KANK1: variants seen among roughly 807,000 people sequenced by gnomAD.
The protein encoded by KANK1 is KN motif and ankyrin repeat domains 1, also known as KN motif and ankyrin repeat domain-containing protein 1.
Under a neutral mutation model 106.2 loss-of-function variants are expected in KANK1, and 109 were observed. The ratio of observed to expected loss-of-function variants is 1.03; its 90% CI spans 0.88 to 1.20. The LOEUF (loss-of-function observed/expected upper bound fraction) is 1.20. Ranked by LOEUF, KANK1 falls within the 50% of genes most tolerant of loss-of-function variation. The probability of loss-of-function intolerance (pLI) is 0.00; values close to 1 mark genes in which losing one functional copy is unlikely to be tolerated. For synonymous variants in KANK1, 873 were observed against 652.2 expected, an observed-to-expected ratio of 1.34 and a Z score of -5.16; for missense variants, 2,399 against 1,710.7, an observed-to-expected ratio of 1.40 and a Z score of -7.10.
At chr9:665,281 A>G (rs78033151) in intron 1 of KANK1, among the ~76,000 whole-genome samples, 6,921 of 152,112 alleles carry the variant, frequency 0.045, 423 homozygotes, top group East Asian at 0.22. Flanking sequence ...GTTTTCTTTT[A>G]TTAGTTTTAT....
intron 1 of KANK1, among the ~76,000 whole-genome samples, chr9:564,668 T>C (rs981573547): frequency 6.6e-6 from 1 of 152,252 alleles, no homozygotes; most frequent in Admixed American, 6.5e-5. Context: ...TCTCATAATC[T>C]GAGCATGCGC....
chr9:710,879 G>T lies in KANK1; in HGVS notation c.113G>T (p.Gly38Val). 3 of 1,613,966 alleles carry T rather than the reference G, an allele frequency of 1.9e-6. No individual in the cohort carries two copies. The highest frequency in any genetic ancestry group is 1.1e-5 in the South Asian group (1 of 91,074). The change falls in exon 3 of 12, where the codon GGT becomes GTT. Residue 38 changes from glycine to valine, a missense_variant. Coordinates refer to ENST00000382297, the MANE Select transcript of KANK1 (RefSeq NM_015158.5). ...CCTTACTTTGTGGAGACCCCCTATG[G>T]TTATCAACTAGACTTAGATTTCCTC... Reference protein sequence around the residue: ...KDPYFVETPYGYQLDLDFLKY... With the variant: ...KDPYFVETPYVYQLDLDFLKY...
intron 2 of KANK1, among the ~76,000 whole-genome samples, chr9:686,295 G>A (rs529632655): frequency 3.9e-5 from 6 of 152,254 alleles, no homozygotes; most frequent in South Asian, 2.1e-4. Context: ...ACTCAGGGAC[G>A]CACCACGAAT....
At chr9:717,445 T>C (rs578241245) in intron 3 of KANK1, among the ~76,000 whole-genome samples, 3 of 152,324 alleles carry the variant, frequency 2.0e-5, no homozygotes, top group South Asian at 2.1e-4. Flanking sequence ...ATTTTTGTAA[T>C]AAAATTTGAA....
At chr9:625,967 A>G (rs1041786454) in intron 1 of KANK1, among the ~76,000 whole-genome samples, 38 of 151,536 alleles carry the variant, frequency 2.5e-4, no homozygotes, top group African/African-American at 9.2e-4. Context: ...ACTCCCCTGC[A>G]CTCCATTCAA....
chr9:564,161 G>A (rs1817221992), intron 1 of KANK1, among the ~76,000 whole-genome samples: 1 of 151,404 alleles, frequency 6.6e-6, no homozygotes, highest in South Asian at 2.1e-4. Flanking sequence ...CCGGGTTCAC[G>A]CCATTCTCCT....
In KANK1 at chr9:745,183, G is replaced by C; in HGVS notation, c.4007G>C (p.Arg1336Thr). The C allele has an allele frequency of 6.2e-7, 1 of 1,614,084 alleles. No individual in the cohort carries two copies. The highest frequency in any genetic ancestry group is 2.2e-5 in the East Asian group (1 of 44,886). Residue 1336 changes from arginine to threonine, a missense_variant, in exon 12 of 12, where the codon AGG becomes ACG. By Grantham distance (71) the Arg-to-Thr change is moderately conservative. Transcript: ENST00000382297. The stretch of plus-strand genomic sequence containing the variant: ...TTTCCTGGTCTCTAGGGCACCCCTA[G>C]GCTTGGAAGGAAGACGTCTCCTGGC... ...FAKAQSPGTP[R>T]LGRKTSPGPT...
chr9:564,148 C>T (rs552573519), intron 1 of KANK1, among the ~76,000 whole-genome samples: 2 of 152,030 alleles, frequency 1.3e-5, no homozygotes, highest in South Asian at 4.2e-4. Flanking sequence ...CAAGCTCCGC[C>T]TCCCGGGTTC....
rs796577092 is a variant in KANK1 at position 726,528 on chromosome 9, A to G, written c.2699-3523A>G. The stretch of plus-strand genomic sequence containing the variant: ...GTGGCACTTGCCTGTAGCCCCAGCT[A>G]CTCGGGAGGCTGAGGCAGGAGAATC... On this transcript the variant is annotated intron_variant, in intron 3 of 11. Coordinates refer to ENST00000382297, the MANE Select transcript of KANK1 (RefSeq NM_015158.5). 5.3e-5 allele frequency among the ~76,000 whole-genome samples: 8 copies of G among 152,064 alleles called. 1 individual carries two copies. The highest frequency in any genetic ancestry group is 1.9e-4 in the African/African-American group (8 of 41,486).
chr9:482,707 G>T (rs1278885491), intron 3 of KANK1, among the ~76,000 whole-genome samples: 3 of 152,216 alleles, frequency 2.0e-5, no homozygotes, highest in African/African-American at 7.2e-5. Context: ...AGAATCACCT[G>T]CTGGCCTATC....
At chr9:520,090 C>T (rs1258149200) in intron 1 of KANK1, among the ~76,000 whole-genome samples, 1 of 151,734 alleles carries the variant, frequency 6.6e-6, no homozygotes, top group Admixed American at 6.6e-5. Flanking sequence ...GTAATCCCAG[C>T]ACTTTGGGAG....
intron 2 of KANK1, among the ~76,000 whole-genome samples, chr9:705,514 C>G (rs1035027766): frequency 6.6e-6 from 1 of 151,554 alleles, no homozygotes; most frequent in Non-Finnish European, 1.5e-5. Flanking sequence ...TAAACGTTGT[C>G]AGACATCTCC....
intron 1 of KANK1, among the ~76,000 whole-genome samples, chr9:571,042 C>T (rs1478534735): frequency 6.6e-6 from 1 of 152,156 alleles, no homozygotes; most frequent in African/African-American, 2.4e-5. Context: ...ATCCTTGATA[C>T]ATTTTGTCAA....
chr9:577,848 A>G (rs1241131382), intron 1 of KANK1, among the ~76,000 whole-genome samples: 1 of 152,188 alleles, frequency 6.6e-6, no homozygotes, highest in Non-Finnish European at 1.5e-5. Flanking sequence ...TGTACTTTTT[A>G]TTATAATTTT....
intron 2 of KANK1, among the ~76,000 whole-genome samples, chr9:686,165 T>C (rs1200355520): frequency 1.2e-4 from 19 of 152,232 alleles, no homozygotes. Flanking sequence ...AGAAAAAAGT[T>C]CTCTCTTCCT....
intron 8 of KANK1, 91 bp from the exon 9 acceptor site, chr9:740,698 GCTC>G (rs968071616): frequency 4.4e-5 from 59 of 1,327,718 alleles, no homozygotes; most frequent in Non-Finnish European, 5.9e-5. Context: ...ATTTCACTGG[GCTC>G]CTGTAAACAC....
intron 1 of KANK1, among the ~76,000 whole-genome samples, chr9:579,279 G>A (rs1821409695): frequency 6.6e-6 from 1 of 152,146 alleles, no homozygotes; most frequent in South Asian, 2.1e-4. Flanking sequence ...TGGTAATGGG[G>A]AAAGGATGGT....
intron 3 of KANK1, among the ~76,000 whole-genome samples, chr9:485,518 G>A (rs1324260998): frequency 6.6e-6 from 1 of 152,138 alleles, no homozygotes; most frequent in Non-Finnish European, 1.5e-5. Flanking sequence ...GGGTCTGTTT[G>A]CAATAATGAT....
intron 1 of KANK1, among the ~76,000 whole-genome samples, chr9:668,388 T>G (rs10975666): frequency 0.29 from 44,162 of 152,096 alleles, 6,992 homozygotes; most frequent in South Asian, 0.48. Context: ...TTGCTTTATA[T>G]ACTTGGGAGC....
Sources: allele counts gnomAD v4.1 joint callset (sites outside exome capture counted in the v4.1 genomes callset), GRCh38; gene constraint gnomAD v4.1.1; transcripts MANE v1.5; gene names NCBI Gene and HGNC (gene_info 2026-07-23, HGNC 2026-07-21).